Variants in ELP3 observed in about 807,000 individuals in gnomAD.
ELP3 encodes the protein elongator complex protein 3.
Under a neutral mutation model 74.9 loss-of-function variants are expected in ELP3, and 56 were observed. The ratio of observed to expected loss-of-function variants is 0.75; its 90% CI spans 0.60 to 0.93. The LOEUF (loss-of-function observed/expected upper bound fraction) is 0.93. ELP3 is among the 40% of genes least tolerant of loss of function. The probability of loss-of-function intolerance (pLI) is 0.00; values close to 1 mark genes in which losing one functional copy is unlikely to be tolerated. For synonymous variants in ELP3, 222 were observed against 239.8 expected, an observed-to-expected ratio of 0.93 and a Z score of 0.68; for missense variants, 573 against 686.5, an observed-to-expected ratio of 0.83 and a Z score of 1.85.
Position 28,132,303 on chromosome 8 carries a change from G to GA in ELP3, c.806dup (p.Ser270ValfsTer11), listed in dbSNP as rs1471222952. ...GGGCCACACTGTGAAGGCAGTGTGT[G>GA]AGTCATTTCACCTGGCCAAAGATTC... On this transcript the variant is annotated frameshift_variant, in exon 9 of 15. Coordinates refer to ENST00000256398, the MANE Select transcript of ELP3 (RefSeq NM_018091.6). LOFTEE classifies it high-confidence loss of function. 1.2e-6 allele frequency: 2 copies of GA among 1,613,968 alleles called. No homozygotes were observed. The highest frequency in any genetic ancestry group is 1.7e-6 in the Non-Finnish European group (2 of 1,179,988).
In ELP3 at chr8:28,190,816, C is replaced by T. The variant is rs916621203; in HGVS notation, c.*1091C>T. 6.6e-6 allele frequency: 1 copy of T among 152,234 alleles called. No homozygotes were observed. The highest frequency in any genetic ancestry group is 6.5e-5 in the Admixed American group (1 of 15,282). 9.4% of individuals were successfully genotyped at this position (152,234 alleles called of 1,614,324 possible). A position where few individuals can be genotyped will look rare whatever the true frequency, so the allele number is the denominator to read the frequency against. ...TCAGGTGATCAACCCACCTTGGCCT[C>T]CCTAAATGCCGGGATTACAGGCATG... On this transcript the variant is annotated 3_prime_UTR_variant, in exon 15 of 15. Coordinates refer to ENST00000256398, the MANE Select transcript of ELP3 (RefSeq NM_018091.6).
intron 12 of ELP3, among the ~76,000 whole-genome samples, chr8:28,159,641 C>T (rs901225966): frequency 6.6e-6 from 1 of 152,182 alleles, no homozygotes; most frequent in African/African-American, 2.4e-5. Flanking sequence ...CACAAAGCTT[C>T]CCCCCAGAAG....
chr8:28,187,922 G>A (rs148992083), intron 14 of ELP3, among the ~76,000 whole-genome samples: 6 of 152,320 alleles, frequency 3.9e-5, no homozygotes, highest in East Asian at 1.9e-4. Context: ...ATAGGTTTAC[G>A]CTCAGTGTCA....
chr8:28,184,321 C>G (rs1209242286), intron 14 of ELP3, among the ~76,000 whole-genome samples: 1 of 152,176 alleles, frequency 6.6e-6, no homozygotes, highest in African/African-American at 2.4e-5. Flanking sequence ...CTCGCCATCT[C>G]AGGCCTGCTG....
At chr8:28,144,294 C>T (rs1813350273) in intron 10 of ELP3, among the ~76,000 whole-genome samples, 1 of 152,108 alleles carries the variant, frequency 6.6e-6, no homozygotes, top group Admixed American at 6.6e-5. Context: ...TCTAGTAAAA[C>T]AGCTTCATAT....
chr8:28,172,099 GCTT>G (rs532807117), intron 14 of ELP3, among the ~76,000 whole-genome samples: 46 of 152,066 alleles, frequency 3.0e-4, no homozygotes, highest in Non-Finnish European at 4.7e-4. Flanking sequence ...CCAACTTTGT[GCTT>G]CTTTTTCAAG....
chr8:28,097,326 GAT>G lies in ELP3; in HGVS notation c.119+12_119+13del. Reference sequence around the variant, plus strand: ...AGACATCGATCTAAATAAGTAAGTGGATATAAAGAGAGAGCAAGCTTGTTCTT... The same window carrying G: ...AGACATCGATCTAAATAAGTAAGTGGATAAAGAGAGAGCAAGCTTGTTCTT... On this transcript the variant is annotated intron_variant, in intron 2 of 14. Coordinates refer to ENST00000256398, the MANE Select transcript of ELP3 (RefSeq NM_018091.6). 6.3e-7 allele frequency: 1 copy of G among 1,589,960 alleles called. No individual in the cohort carries two copies. Among genetic ancestry groups the G allele is most frequent in the Non-Finnish European group, 8.6e-7 (1 of 1,159,580 alleles).
chr8:28,103,814 C>T (rs1413491424), intron 3 of ELP3, among the ~76,000 whole-genome samples: 1 of 152,198 alleles, frequency 6.6e-6, no homozygotes, highest in Non-Finnish European at 1.5e-5. Flanking sequence ...CTCACTGCAG[C>T]AACCTCCCAG....
chr8:28,176,879 G>C (rs1223987366), intron 14 of ELP3, among the ~76,000 whole-genome samples: 2 of 152,054 alleles, frequency 1.3e-5, no homozygotes, highest in African/African-American at 2.4e-5. Context: ...CTCTATTTTT[G>C]AATCAGTTGA....
chr8:28,110,498 T>C, intron 6 of ELP3, 60 bp downstream of exon 6: 2 of 1,347,080 alleles, frequency 1.5e-6, no homozygotes, highest in Non-Finnish European at 2.1e-6. Flanking sequence ...TAAGAAGCCA[T>C]TGTTGCTTGA....
intron 14 of ELP3, among the ~76,000 whole-genome samples, chr8:28,164,164 A>T (rs1814215483): frequency 6.6e-6 from 1 of 151,956 alleles, no homozygotes; most frequent in Admixed American, 6.6e-5. Flanking sequence ...GTCTTTTTAC[A>T]CTGTTGCATG....
Position 28,113,096 on chromosome 8 carries a change from A to T in ELP3, c.540A>T (p.Glu180Asp). Residue 180 changes from glutamate (E) to aspartate (D), a missense_variant, in exon 7 of 15, where the codon GAA (glutamate) becomes GAT (aspartate). By Grantham distance (45) the Glu-to-Asp change is conservative. Coordinates refer to ENST00000256398, the MANE Select transcript of ELP3 (RefSeq NM_018091.6). ...GAACGTTTATGGCCCTTCCAGAAGA[A>T]TACAGAGATTATTTTATTCGAAATT... ...MGGTFMALPEEYRDYFIRNLH... is the reference protein window; with the variant it reads ...MGGTFMALPEDYRDYFIRNLH... 2 of 1,613,958 alleles carry T rather than the reference A, an allele frequency of 1.2e-6. No homozygotes were observed. The highest frequency in any genetic ancestry group is 1.7e-6 in the Non-Finnish European group (2 of 1,179,910).
chr8:28,167,495 T>C lies in ELP3; in HGVS notation c.1567+5417T>C, dbSNP rs548840580. On this transcript the variant is annotated intron_variant, in intron 14 of 14. Coordinates refer to ENST00000256398, the MANE Select transcript of ELP3 (RefSeq NM_018091.6). ...GATAGTTTTATTCCTTGCATTGTAC[T>C]CTAGTTGAAAAGAAGGGTACATTCA... Among the ~76,000 whole-genome samples the C allele has an allele frequency of 5.9e-5, 9 of 152,332 alleles. No homozygotes were observed. In the South Asian group the frequency reaches 1.9e-3, roughly 32 times the overall value.
chr8:28,111,835 A>T (rs979350845), intron 6 of ELP3, among the ~76,000 whole-genome samples: 1 of 152,184 alleles, frequency 6.6e-6, no homozygotes, highest in Non-Finnish European at 1.5e-5. Flanking sequence ...TCACATCTTC[A>T]CCTCGGGAGG....
At chr8:28,183,018 A>T (rs563340181) in intron 14 of ELP3, among the ~76,000 whole-genome samples, 3 of 151,928 alleles carry the variant, frequency 2.0e-5, no homozygotes, top group African/African-American at 7.2e-5. Context: ...GTGCTGAATA[A>T]CTCTACTCCT....
At chr8:28,148,057 GTCTT>G (rs1434310955) in intron 10 of ELP3, among the ~76,000 whole-genome samples, 5 of 152,278 alleles carry the variant, frequency 3.3e-5, no homozygotes, top group African/African-American at 9.6e-5. Flanking sequence ...GAAGGGAAAA[GTCTT>G]CCTTACATAC....
In ELP3 at chr8:28,190,022, A is replaced by G. The variant is rs1364513871; in HGVS notation, c.*297A>G. 2 of 284,464 alleles carry G rather than the reference A, an allele frequency of 7.0e-6. No homozygotes were observed. The highest frequency in any genetic ancestry group is 1.3e-5 in the Non-Finnish European group (2 of 150,706). 17.6% of individuals were successfully genotyped at this position (284,464 alleles called of 1,614,324 possible). ...CTGCAGGTGGCCTATTTTGACTCAG[A>G]CGGTGAAAAAAGCAAATTAACTCAT... On this transcript the variant is annotated 3_prime_UTR_variant, in exon 15 of 15. Coordinates refer to ENST00000256398, the MANE Select transcript of ELP3 (RefSeq NM_018091.6).
intron 7 of ELP3, among the ~76,000 whole-genome samples, chr8:28,122,959 A>G (rs969726818): frequency 1.3e-5 from 2 of 152,202 alleles, no homozygotes; most frequent in African/African-American, 4.8e-5. Flanking sequence ...CCCCGTCTCT[A>G]CTAAAAATAC....
At chr8:28,123,735 T>C (rs1812463578) in intron 7 of ELP3, among the ~76,000 whole-genome samples, 1 of 152,254 alleles carries the variant, frequency 6.6e-6, no homozygotes, top group Non-Finnish European at 1.5e-5. Context: ...TCCTGATGTA[T>C]GAGCTTTTCA....
Sources: gnomAD v4.1 joint callset for allele counts (sites outside exome capture counted in the v4.1 genomes callset) on GRCh38, gnomAD v4.1.1 for gene constraint, MANE v1.5 for transcripts, NCBI Gene and HGNC (gene_info 2026-07-23, HGNC 2026-07-21) for gene names.